TMEM178B: variants seen among roughly 807,000 people sequenced by gnomAD.
TMEM178B encodes transmembrane protein 178B.
TMEM178B carries 5 observed loss-of-function variants against 31.0 expected under a neutral mutation model. That is an observed-to-expected ratio of 0.16 (90% CI 0.08 to 0.34). The LOEUF (loss-of-function observed/expected upper bound fraction) is 0.34. TMEM178B is among the 10% of genes least tolerant of loss of function. TMEM178B has a pLI of 1.00. For missense variants in TMEM178B, 275 were observed against 400.3 expected (o/e 0.69, Z 2.67); for synonymous variants, 164 against 164.0 (o/e 1.00, Z 0.00).
chr7:141,213,202 C>T (rs757020294), intron 2 of TMEM178B, among the ~76,000 whole-genome samples: 5 of 152,130 alleles, frequency 3.3e-5, no homozygotes, highest in East Asian at 1.9e-4. Flanking sequence ...TTTAAAGCTA[C>T]GGTTTACCCT....
At chr7:141,121,933 A>G (rs996943469) in intron 1 of TMEM178B, among the ~76,000 whole-genome samples, 3 of 152,046 alleles carry the variant, frequency 2.0e-5, no homozygotes, top group Non-Finnish European at 4.4e-5. Flanking sequence ...GTTTGTTGCA[A>G]TCTTTCATCT....
chr7:141,348,194 A>G (rs562895182), intron 2 of TMEM178B, among the ~76,000 whole-genome samples: 2 of 152,320 alleles, frequency 1.3e-5, no homozygotes, highest in African/African-American at 4.8e-5. Context: ...TTGTTGGTTC[A>G]TTTCCAAATT....
intron 2 of TMEM178B, among the ~76,000 whole-genome samples, chr7:141,337,174 C>G (rs1325481239): frequency 1.1e-5 from 1 of 93,772 alleles, no homozygotes; most frequent in African/African-American, 4.8e-5. Context: ...CCACCACCAC[C>G]ACCACCACCA....
At position 141,476,297 on chromosome 7, in the gene TMEM178B, G is replaced by A. The variant is rs1004344301; in HGVS notation, c.*5511G>A. ...TTTACCTATTCCTAGACTTCCTTTT[G>A]TCTAGAGCCAGTTTTGCAAAGGGCA... On this transcript the variant is annotated 3_prime_UTR_variant, in exon 4 of 4. Coordinates refer to ENST00000565468, the MANE Select transcript of TMEM178B (RefSeq NM_001195278.2). The A allele has an allele frequency of 2.6e-5, 4 of 152,118 alleles. No individual in the cohort carries two copies. The highest frequency in any genetic ancestry group is 7.2e-5 in the African/African-American group (3 of 41,406). The allele number at this position is 152,118 out of a possible 1,614,324, so 9.4% of individuals were successfully genotyped here.
intron 1 of TMEM178B, among the ~76,000 whole-genome samples, chr7:141,142,270 TACC>T (rs1586792465): frequency 6.6e-6 from 1 of 151,974 alleles, no homozygotes; most frequent in East Asian, 1.9e-4. Flanking sequence ...GGCATATATG[TACC>T]ACATTTTCTT....
chr7:141,426,598 C>A (rs1235441586), intron 2 of TMEM178B, among the ~76,000 whole-genome samples: 2 of 152,052 alleles, frequency 1.3e-5, no homozygotes, highest in African/African-American at 2.4e-5. Flanking sequence ...GGAATGGCAG[C>A]TTGTTGTGAC....
intron 2 of TMEM178B, among the ~76,000 whole-genome samples, chr7:141,267,354 T>C (rs1007398040): frequency 1.3e-5 from 2 of 152,216 alleles, no homozygotes; most frequent in African/African-American, 2.4e-5. Flanking sequence ...CTTTTGTTTT[T>C]TTAGAGAGAA....
intron 3 of TMEM178B, among the ~76,000 whole-genome samples, chr7:141,456,182 G>A (rs1801958986): frequency 6.6e-6 from 1 of 152,138 alleles, no homozygotes. Flanking sequence ...CAAAATAAGT[G>A]GCAGCTAGTC....
intron 2 of TMEM178B, among the ~76,000 whole-genome samples, chr7:141,411,231 T>A (rs966144577): frequency 6.6e-6 from 1 of 151,966 alleles, no homozygotes; most frequent in Non-Finnish European, 1.5e-5. Flanking sequence ...AGAAAAATTT[T>A]AAAAAAGAAA....
Position 141,396,530 on chromosome 7 carries a change from AG to A in TMEM178B, c.497-41077del, listed in dbSNP as rs1164382421. Among the ~76,000 whole-genome samples, 49 of 85,664 alleles carry A rather than the reference AG, an allele frequency of 5.7e-4. No homozygotes were observed. The South Asian group carries it at 0.01, about 18-fold the overall frequency. The allele number at this position is 85,664 out of a possible 152,430, so 56.2% of individuals were successfully genotyped here. On this transcript the variant is annotated intron_variant, in intron 2 of 3. Coordinates refer to ENST00000565468, the MANE Select transcript of TMEM178B (RefSeq NM_001195278.2). ...CCTCTCATACTGCAGAGTGGAAAAC[AG>A]AGCCTCAGAAAGATGAGGCGACAGC...
In TMEM178B at chr7:141,470,852, A is replaced by C; in HGVS notation, c.*66A>C. On this transcript the variant is annotated 3_prime_UTR_variant, in exon 4 of 4. Transcript: ENST00000565468. ...TATATAATATACATATATAAAACAA[A>C]ACAAAACTAAATCAAGACGATGCCA... 1.1e-6 allele frequency: 1 copy of C among 904,482 alleles called. No homozygotes were observed. Among genetic ancestry groups the C allele is most frequent in the Non-Finnish European group, 1.4e-6 (1 of 731,080 alleles). The allele number at this position is 904,482 out of a possible 1,614,324, so 56.0% of individuals were successfully genotyped here.
chr7:141,263,041 C>A (rs1798039406), intron 2 of TMEM178B, among the ~76,000 whole-genome samples: 1 of 152,122 alleles, frequency 6.6e-6, no homozygotes. Flanking sequence ...TCCCCATGAG[C>A]CTTGACAGAA....
chr7:141,504,412 A>T, the TMEM178B span, among the ~76,000 whole-genome samples: 2 of 152,176 alleles, frequency 1.3e-5, no homozygotes, highest in Non-Finnish European at 2.9e-5. Flanking sequence ...TTTTATGTAT[A>T]TCTGTCACCT....
At chr7:141,337,528 A>G (rs900268420) in intron 2 of TMEM178B, among the ~76,000 whole-genome samples, 3 of 152,196 alleles carry the variant, frequency 2.0e-5, no homozygotes, top group Non-Finnish European at 2.9e-5. Context: ...ATTTTTCAGT[A>G]TTATTAGCTT....
chr7:141,501,047 A>G, the TMEM178B span, among the ~76,000 whole-genome samples: 2 of 152,230 alleles, frequency 1.3e-5, no homozygotes, highest in African/African-American at 4.8e-5. Context: ...GACAACTTGT[A>G]TAGTTTGTTA....
chr7:141,140,576 T>C (rs543878241), intron 1 of TMEM178B, among the ~76,000 whole-genome samples: 6 of 152,324 alleles, frequency 3.9e-5, no homozygotes, highest in African/African-American at 1.4e-4. Context: ...TTATTCAGAT[T>C]TGCTTAGTTT....
intron 2 of TMEM178B, among the ~76,000 whole-genome samples, chr7:141,399,975 A>G (rs935512234): frequency 6.6e-6 from 1 of 152,210 alleles, no homozygotes; most frequent in Non-Finnish European, 1.5e-5. Flanking sequence ...ATATTCAGGA[A>G]CTTTACAAAC....
chr7:141,489,806 C>T, the TMEM178B span, among the ~76,000 whole-genome samples: 5 of 152,166 alleles, frequency 3.3e-5, no homozygotes, highest in African/African-American at 1.2e-4. Flanking sequence ...TTTTTGCATG[C>T]TTTCGTACAA....
Position 141,253,708 on chromosome 7 carries a change from G to A in TMEM178B, c.496+41004G>A, listed in dbSNP as rs1258735128. ...TGGGATTACAGGTGCCCACCACAGCGCCCGGCTAAATTTTGGTATTTTTAG... is the reference window on the plus strand; with the variant it reads ...TGGGATTACAGGTGCCCACCACAGCACCCGGCTAAATTTTGGTATTTTTAG... On this transcript the variant is annotated intron_variant, in intron 2 of 3. Coordinates refer to ENST00000565468, the MANE Select transcript of TMEM178B (RefSeq NM_001195278.2). Among the ~76,000 whole-genome samples the A allele has an allele frequency of 2.6e-5, 4 of 151,978 alleles. No homozygotes were observed. In the East Asian group the frequency reaches 5.8e-4, roughly 22 times the overall value.
Sources: allele counts gnomAD v4.1 joint callset (sites outside exome capture counted in the v4.1 genomes callset), GRCh38; gene constraint gnomAD v4.1.1; transcripts MANE v1.5; gene names NCBI Gene and HGNC (gene_info 2026-07-23, HGNC 2026-07-21).